Variants in CCDC178 observed in about 807,000 individuals in gnomAD.
CCDC178 encodes coiled-coil domain-containing protein 178.
In CCDC178, 126 loss-of-function variants were observed where a neutral mutation model predicts 117.4. The observed-to-expected ratio is 1.07, with a 90% CI of 0.93 to 1.24. The LOEUF (loss-of-function observed/expected upper bound fraction) is 1.24, where lower values mean the gene tolerates loss of function less well. CCDC178 is among the 50% of genes most tolerant of loss of function. The pLI is 0.00. For missense variants in CCDC178, 1,030 were observed against 986.9 expected (o/e 1.04, Z -0.59); for synonymous variants, 283 against 313.4 (o/e 0.90, Z 1.02).
chr18:33,246,443 T>A (rs952482519), intron 14 of CCDC178, among the ~76,000 whole-genome samples: 1 of 151,796 alleles, frequency 6.6e-6, no homozygotes, highest in African/African-American at 2.4e-5. Flanking sequence ...AGCTTTCACT[T>A]AACAGAACAC....
chr18:33,296,195 G>C (rs529835974), intron 11 of CCDC178, among the ~76,000 whole-genome samples: 1 of 152,122 alleles, frequency 6.6e-6, no homozygotes, highest in East Asian at 1.9e-4. Context: ...AAAGTTAAAT[G>C]TTATAGGGTT....
chr18:33,004,269 A>G (rs1230139961), intron 21 of CCDC178, among the ~76,000 whole-genome samples: 3 of 151,964 alleles, frequency 2.0e-5, no homozygotes, highest in Admixed American at 6.6e-5. Context: ...CCTAACTTCA[A>G]ATTACGTTAA....
intron 9 of CCDC178, among the ~76,000 whole-genome samples, chr18:33,336,358 C>T (rs933621166): frequency 6.6e-6 from 1 of 152,060 alleles, no homozygotes; most frequent in African/African-American, 2.4e-5. Context: ...TCAAGGACAT[C>T]AGGGTTTCAA....
At chr18:33,307,225 G>A (rs1466011663) in intron 11 of CCDC178, among the ~76,000 whole-genome samples, 2 of 152,184 alleles carry the variant, frequency 1.3e-5, no homozygotes, top group Non-Finnish European at 2.9e-5. Flanking sequence ...AGGAAAATAT[G>A]GGAAAGTTTG....
intron 21 of CCDC178, among the ~76,000 whole-genome samples, chr18:33,091,539 G>C (rs1207430394): frequency 6.6e-6 from 1 of 151,648 alleles, no homozygotes; most frequent in Non-Finnish European, 1.5e-5. Context: ...GTTTCACCAT[G>C]TTGGCCAGGC....
At chr18:33,061,684 T>C (rs935683378) in intron 21 of CCDC178, among the ~76,000 whole-genome samples, 4 of 152,188 alleles carry the variant, frequency 2.6e-5, no homozygotes, top group African/African-American at 9.6e-5. Flanking sequence ...ATTGGTTTCA[T>C]TTTACTTAAG....
chr18:33,115,673 G>A (rs540822997), intron 20 of CCDC178, among the ~76,000 whole-genome samples: 18 of 151,856 alleles, frequency 1.2e-4, no homozygotes, highest in Admixed American at 3.9e-4. Flanking sequence ...CCCCGCCGCC[G>A]CCCTGCTACG....
At chr18:33,348,826 T>C in intron 8 of CCDC178, 64 bp downstream of exon 8, 1 of 994,556 alleles carries the variant, frequency 1.0e-6, no homozygotes, top group South Asian at 1.4e-5. Context: ...ATCAGAAATA[T>C]ATTAAATGAA....
At chr18:33,036,339 G>A (rs964959516) in intron 21 of CCDC178, among the ~76,000 whole-genome samples, 8 of 151,646 alleles carry the variant, frequency 5.3e-5, no homozygotes, top group African/African-American at 1.2e-4. Context: ...TCAATTATTC[G>A]TTATATGTCA....
intron 15 of CCDC178, among the ~76,000 whole-genome samples, chr18:33,228,891 C>T (rs76938239): frequency 0.012 from 1,848 of 152,288 alleles, 21 homozygotes; most frequent in Non-Finnish European, 0.02. Flanking sequence ...TACACAGTTT[C>T]TGAGAGAACT....
At chr18:32,941,960 T>C (rs80159079) in intron 22 of CCDC178, among the ~76,000 whole-genome samples, 5,837 of 152,186 alleles carry the variant, frequency 0.038, 384 homozygotes, top group African/African-American at 0.13. Flanking sequence ...ATATAGCCCT[T>C]CCTTAATAAG....
At chr18:33,375,182 A>G (rs1020665088) in intron 5 of CCDC178, among the ~76,000 whole-genome samples, 3 of 152,196 alleles carry the variant, frequency 2.0e-5, no homozygotes, top group East Asian at 3.8e-4. Flanking sequence ...ATAACCTTGT[A>G]TCGTTCTCCT....
intron 20 of CCDC178, among the ~76,000 whole-genome samples, chr18:33,208,419 C>A (rs1419346301): frequency 6.6e-6 from 1 of 152,006 alleles, no homozygotes; most frequent in Admixed American, 6.6e-5. Context: ...GATAAGGCCA[C>A]AATTTACTGT....
At chr18:33,027,124 C>T (rs1011626842) in intron 21 of CCDC178, among the ~76,000 whole-genome samples, 1 of 151,722 alleles carries the variant, frequency 6.6e-6, no homozygotes, top group African/African-American at 2.4e-5. Context: ...TTATTCTAAA[C>T]TCTAGCTTTG....
At chr18:33,140,458 A>T (rs796171433) in intron 20 of CCDC178, among the ~76,000 whole-genome samples, 19 of 152,266 alleles carry the variant, frequency 1.2e-4, no homozygotes, top group African/African-American at 4.3e-4. Context: ...GATCATGAGA[A>T]CCCACCTCTT....
chr18:33,152,484 T>C (rs1044930241), intron 20 of CCDC178, among the ~76,000 whole-genome samples: 1 of 151,902 alleles, frequency 6.6e-6, no homozygotes, highest in Non-Finnish European at 1.5e-5. Context: ...TGACCTCTTG[T>C]GCCACTGGAA....
chr18:33,371,716 C>T (rs2063302532), intron 5 of CCDC178, among the ~76,000 whole-genome samples: 1 of 151,674 alleles, frequency 6.6e-6, no homozygotes, highest in African/African-American at 2.4e-5. Flanking sequence ...ACTCTGAACA[C>T]ATATACTTGC....
chr18:33,043,529 A>C (rs1443917476), intron 21 of CCDC178, among the ~76,000 whole-genome samples: 1 of 152,094 alleles, frequency 6.6e-6, no homozygotes, highest in Non-Finnish European at 1.5e-5. Flanking sequence ...TGTGTGGCGT[A>C]TTTTAAGTCC....
intron 20 of CCDC178, among the ~76,000 whole-genome samples, chr18:33,148,966 G>A (rs1170665776): frequency 6.6e-6 from 1 of 152,224 alleles, no homozygotes; most frequent in Non-Finnish European, 1.5e-5. Flanking sequence ...GGAGCTATGT[G>A]TCTGTTTCTG....
Sources: allele counts gnomAD v4.1 joint callset (sites outside exome capture counted in the v4.1 genomes callset), GRCh38; gene constraint gnomAD v4.1.1; transcripts MANE v1.5; gene names NCBI Gene and HGNC (gene_info 2026-07-23, HGNC 2026-07-21).